The following WDR1 variants were observed in gnomAD, a reference collection of about 807,000 sequenced individuals.
The protein encoded by WDR1 is WD repeat domain 1, also known as WD repeat-containing protein 1.
A neutral mutation model predicts 71.9 loss-of-function variants in WDR1; 21 were observed. The observed-to-expected ratio is 0.29, with a 90% confidence interval of 0.21 to 0.42. WDR1 has a LOEUF of 0.42. Ranked by LOEUF, WDR1 falls within the 10% of genes least tolerant of loss-of-function variation. The pLI is 1.00. For synonymous variants in WDR1, 424 were observed against 347.4 expected (o/e 1.22, Z -2.45); for missense variants, 696 against 824.5 (o/e 0.84, Z 1.91).
Position 10,097,414 on chromosome 4 carries a change from T to C in WDR1, c.558+297A>G, listed in dbSNP as rs140670500. Among the ~76,000 whole-genome samples the C allele has an allele frequency of 5.3e-3, 812 of 152,348 alleles. 7 individuals carry two copies. The highest frequency in any genetic ancestry group is 0.02 in the Middle Eastern group (6 of 294). On this transcript the variant is annotated intron_variant, in intron 5 of 14. Transcript: ENST00000499869. ...TCTAATGAGCACCTCCAGCCCCAGATGCTTGCCTGGTTACACGGTCAGGGA... is the reference window on the plus strand; with the variant it reads ...TCTAATGAGCACCTCCAGCCCCAGACGCTTGCCTGGTTACACGGTCAGGGA...
chr4:10,080,725 G>T (rs184366868), intron 11 of WDR1, among the ~76,000 whole-genome samples: 1 of 152,210 alleles, frequency 6.6e-6, no homozygotes, highest in Non-Finnish European at 1.5e-5. Flanking sequence ...TGGGTCTCAG[G>T]TGGCTTTGGT....
intron 14 of WDR1, 55 bp from the exon 15 acceptor site, chr4:10,075,539 C>A: frequency 6.6e-7 from 1 of 1,513,820 alleles, no homozygotes; most frequent in Non-Finnish European, 9.1e-7. Context: ...CAACTATGTA[C>A]ATCTTGGACT....
chr4:10,082,894 G>A, intron 10 of WDR1, 128 bp downstream of exon 10: 4 of 1,228,610 alleles, frequency 3.3e-6, no homozygotes, highest in Non-Finnish European at 4.4e-6. Context: ...GAACAATGCT[G>A]GGGACGGGGT....
intron 11 of WDR1, among the ~76,000 whole-genome samples, chr4:10,080,117 G>A (rs1184338056): frequency 6.6e-6 from 1 of 152,160 alleles, no homozygotes; most frequent in Admixed American, 6.5e-5. Flanking sequence ...CCTGTCCCCT[G>A]CACACCACAA....
chr4:10,095,244 G>A (rs1326654677), intron 5 of WDR1, among the ~76,000 whole-genome samples: 1 of 152,196 alleles, frequency 6.6e-6, no homozygotes, highest in Non-Finnish European at 1.5e-5. Context: ...TGAAAGATCT[G>A]GGGAAAAAAG....
At chr4:10,114,579 C>G (rs955858331) in intron 2 of WDR1, among the ~76,000 whole-genome samples, 1 of 152,218 alleles carries the variant, frequency 6.6e-6, no homozygotes, top group Non-Finnish European at 1.5e-5. Context: ...AACGAAATAT[C>G]CTACTGCTCT....
Position 10,107,610 on chromosome 4 carries a change from C to G in WDR1, c.139-3624G>C, listed in dbSNP as rs143897850. 5.3e-3 allele frequency among the ~76,000 whole-genome samples: 802 copies of G among 152,318 alleles called. 6 individuals are homozygous for G. Among genetic ancestry groups the G allele is most frequent in the Middle Eastern group, 0.02 (6 of 294 alleles). Reference sequence around the variant, plus strand: ...GATAGAACAGGTGCAGCCCCTCTACCTTGCTGGCCCCAGACCCCTTCCCCA... The same window carrying G: ...GATAGAACAGGTGCAGCCCCTCTACGTTGCTGGCCCCAGACCCCTTCCCCA... On this transcript the variant is annotated intron_variant, in intron 2 of 14. Transcript: ENST00000499869.
chr4:10,098,131 A>G (rs1007175060), intron 4 of WDR1, among the ~76,000 whole-genome samples: 4 of 152,082 alleles, frequency 2.6e-5, no homozygotes, highest in African/African-American at 4.8e-5. Context: ...AAGGGGATGC[A>G]TGTGTGTGTC....
intron 9 of WDR1, among the ~76,000 whole-genome samples, chr4:10,083,959 C>A (rs772796274): frequency 6.6e-6 from 1 of 152,242 alleles, no homozygotes; most frequent in Non-Finnish European, 1.5e-5. Flanking sequence ...CTGTGGACCA[C>A]AGGCTGCATG....
chr4:10,098,228 T>C (rs891241365), intron 4 of WDR1, among the ~76,000 whole-genome samples: 1 of 152,078 alleles, frequency 6.6e-6, no homozygotes, highest in Non-Finnish European at 1.5e-5. Flanking sequence ...ACAGTTACCA[T>C]CCCCTACAGG....
intron 4 of WDR1, 137 bp from the exon 5 acceptor site, chr4:10,098,028 A>C (rs891094959): frequency 1.0e-5 from 9 of 890,082 alleles, no homozygotes; most frequent in Non-Finnish European, 1.5e-5. Flanking sequence ...AGAACGCCAC[A>C]GGGACAAATG....
intron 10 of WDR1, among the ~76,000 whole-genome samples, chr4:10,082,528 A>C (rs910788401): frequency 2.6e-5 from 4 of 152,168 alleles, no homozygotes; most frequent in African/African-American, 9.7e-5. Context: ...AGCTCCACTG[A>C]CTGCCAATCA....
Position 10,077,463 on chromosome 4 carries a change from A to C in WDR1, c.1570-15T>G, listed in dbSNP as rs759688615. 1 of 1,613,950 alleles carries C rather than the reference A, an allele frequency of 6.2e-7. No homozygotes were observed. Among genetic ancestry groups the C allele is most frequent in the Non-Finnish European group, 8.5e-7 (1 of 1,179,836 alleles). On this transcript the variant is annotated splice_polypyrimidine_tract_variant and intron_variant, in intron 13 of 14. Coordinates refer to ENST00000499869, the MANE Select transcript of WDR1 (RefSeq NM_017491.5). ...ACATTGTTCTCCTAGTTGCAGGTTG[A>C]AAACAAGAGAGGTGGCAGGTCAGGT...
chr4:10,098,375 G>A (rs2109677741), intron 4 of WDR1, among the ~76,000 whole-genome samples: 1 of 152,342 alleles, frequency 6.6e-6, no homozygotes, highest in South Asian at 2.1e-4. Context: ...GAACATGTAC[G>A]AGAAAGTGCC....
intron 2 of WDR1, among the ~76,000 whole-genome samples, chr4:10,110,453 A>G (rs1012679428): frequency 6.6e-6 from 1 of 152,154 alleles, no homozygotes; most frequent in Non-Finnish European, 1.5e-5. Flanking sequence ...CCAACAGGGC[A>G]AGAAATGTAC....
chr4:10,107,734 G>A (rs536877773), intron 2 of WDR1, among the ~76,000 whole-genome samples: 9 of 152,300 alleles, frequency 5.9e-5, no homozygotes, highest in African/African-American at 2.2e-4. Flanking sequence ...CACCCCTGGA[G>A]GAGTCCGGGG....
At chr4:10,075,534 A>G (rs1477871195) in intron 14 of WDR1, 50 bp from the exon 15 acceptor site, 2 of 1,541,784 alleles carry the variant, frequency 1.3e-6, no homozygotes, top group Non-Finnish European at 1.8e-6. Flanking sequence ...CTCTGCAACT[A>G]TGTACATCTT....
intron 2 of WDR1, among the ~76,000 whole-genome samples, chr4:10,109,199 C>A (rs552511035): frequency 6.6e-6 from 1 of 152,264 alleles, no homozygotes; most frequent in African/African-American, 2.4e-5. Context: ...CTGGGCGATA[C>A]GCCCCAGGCC....
At chr4:10,092,385 G>C (rs1215273440) in intron 5 of WDR1, 1 of 152,432 alleles carries the variant, frequency 6.6e-6, no homozygotes, top group Admixed American at 6.5e-5. Flanking sequence ...TCAAAACATG[G>C]ACATTCCTAC....
Sources: gnomAD v4.1 joint callset for allele counts (sites outside exome capture counted in the v4.1 genomes callset) on GRCh38, gnomAD v4.1.1 for gene constraint, MANE v1.5 for transcripts, NCBI Gene and HGNC (gene_info 2026-07-23, HGNC 2026-07-21) for gene names.